Variants in CRTAC1 observed in about 807,000 individuals in gnomAD.
The protein encoded by CRTAC1 is cartilage acidic protein 1.
Under a neutral mutation model 67.8 loss-of-function variants are expected in CRTAC1, and 37 were observed. The observed-to-expected ratio is 0.55, with a 90% CI of 0.42 to 0.72. The LOEUF (loss-of-function observed/expected upper bound fraction) is 0.72, where lower values mean the gene tolerates loss of function less well. Among genes scored for constraint, CRTAC1 ranks in the 30% least tolerant of loss-of-function variants. The pLI is 0.00. For synonymous variants in CRTAC1, 348 were observed against 371.0 expected (o/e 0.94, Z 0.71); for missense variants, 780 against 931.6 (o/e 0.84, Z 2.12).
chr10:97,882,882 G>T, intron 12 of CRTAC1, 54 bp from the exon 13 acceptor site: 2 of 1,576,902 alleles, frequency 1.3e-6, no homozygotes, highest in Non-Finnish European at 8.7e-7. Context: ...TCCCATCCCA[G>T]GTTCCCTCCT....
At chr10:97,960,677 G>A (rs1405726771) in intron 2 of CRTAC1, among the ~76,000 whole-genome samples, 1 of 152,196 alleles carries the variant, frequency 6.6e-6, no homozygotes, top group East Asian at 1.9e-4. Flanking sequence ...CTTTCTTCCA[G>A]CTCTAGAATC....
intron 2 of CRTAC1, among the ~76,000 whole-genome samples, chr10:97,976,746 A>G (rs1310530884): frequency 1.3e-5 from 2 of 152,328 alleles, no homozygotes; most frequent in East Asian, 3.9e-4. Context: ...TCCAGAATTT[A>G]TCGCATTCTA....
intron 2 of CRTAC1, among the ~76,000 whole-genome samples, chr10:97,955,324 TTC>T (rs575743034): frequency 1.7e-3 from 263 of 152,344 alleles, no homozygotes; most frequent in Admixed American, 4.4e-3. Context: ...AGTCAAGTCG[TTC>T]CACTTGGATC....
chr10:98,008,896 G>A (rs1044929407), intron 2 of CRTAC1, among the ~76,000 whole-genome samples: 8 of 152,068 alleles, frequency 5.3e-5, no homozygotes, highest in African/African-American at 1.9e-4. Context: ...AGGAGGCAGG[G>A]CAACCATCCA....
chr10:97,885,164 G>C (rs975538779), intron 11 of CRTAC1, among the ~76,000 whole-genome samples: 29 of 152,176 alleles, frequency 1.9e-4, no homozygotes, highest in African/African-American at 6.5e-4. Flanking sequence ...GTCAGGGACA[G>C]CCTCTTAGGG....
At chr10:97,896,066 C>T in intron 9 of CRTAC1, 81 bp from the exon 10 acceptor site, 1 of 1,271,214 alleles carries the variant, frequency 7.9e-7, no homozygotes, top group South Asian at 1.2e-5. Context: ...AGTGCAGTAT[C>T]CACAGCCCTG....
chr10:97,875,284 G>A (rs914906945), intron 14 of CRTAC1, among the ~76,000 whole-genome samples: 15 of 152,234 alleles, frequency 9.9e-5, no homozygotes, highest in African/African-American at 3.4e-4. Context: ...GGATGGGTGT[G>A]AGTATTCATG....
intron 3 of CRTAC1, among the ~76,000 whole-genome samples, chr10:97,927,880 G>GCA (rs1319075141): frequency 6.6e-6 from 1 of 152,228 alleles, no homozygotes; most frequent in Non-Finnish European, 1.5e-5. Context: ...TAAACACCCA[G>GCA]CACTGGCCCC....
rs1489438610 is a variant in CRTAC1 at position 97,975,799 on chromosome 10, C to A, written c.224+35339G>T. On this transcript the variant is annotated intron_variant, in intron 2 of 14. Transcript: ENST00000370597. The surrounding 1 kb of genome is among the most constrained non-coding windows in gnomAD (Gnocchi z 4.8). The stretch of plus-strand genomic sequence containing the variant: ...GCCCTCTGTGCCAAGAGCCTCTCCA[C>A]CTGCCAGGGAAGCTACGCACACTCG... Among the ~76,000 whole-genome samples the A allele has an allele frequency of 6.6e-6, 1 of 152,240 alleles. No individual in the cohort carries two copies. Among genetic ancestry groups the A allele is most frequent in the East Asian group, 1.9e-4 (1 of 5,192 alleles).
chr10:97,995,555 C>A (rs1842548537), intron 2 of CRTAC1, among the ~76,000 whole-genome samples: 2 of 152,166 alleles, frequency 1.3e-5, no homozygotes, highest in Admixed American at 1.3e-4. Context: ...GACCCTACCA[C>A]TACAGAACAA....
chr10:97,873,150 T>A (rs1431181728), intron 14 of CRTAC1, among the ~76,000 whole-genome samples: 1 of 152,208 alleles, frequency 6.6e-6, no homozygotes, highest in Non-Finnish European at 1.5e-5. Context: ...ATGAAACAAC[T>A]TCTTAAGGCC....
chr10:97,868,890 C>G (rs180909302), intron 14 of CRTAC1: 18 of 151,468 alleles, frequency 1.2e-4, no homozygotes, highest in African/African-American at 3.4e-4. Context: ...TTAGCACTTC[C>G]TATGTGCCAG....
At position 97,895,439 on chromosome 10, in the gene CRTAC1, C is replaced by G. The variant is rs373819317; in HGVS notation, c.1318-26G>C. 4.5e-5 allele frequency: 70 copies of G among 1,560,618 alleles called. No homozygotes were observed. The highest frequency in any genetic ancestry group is 5.5e-5 in the Non-Finnish European group (64 of 1,154,582). On this transcript the variant is annotated intron_variant, in intron 10 of 14. Transcript: ENST00000370597. This position sits in a 1 kb window ranked among gnomAD's most constrained non-coding sequence, Gnocchi z 4.2. Reference sequence around the variant, plus strand: ...CTGCAGAGAGGGTGAGAGGCAGACACCCGGTGGGCATCAGCATGGTGGGTG... The same window carrying G: ...CTGCAGAGAGGGTGAGAGGCAGACAGCCGGTGGGCATCAGCATGGTGGGTG...
chr10:97,969,342 C>T (rs1441518009), intron 2 of CRTAC1, among the ~76,000 whole-genome samples: 4 of 152,136 alleles, frequency 2.6e-5, no homozygotes, highest in African/African-American at 9.7e-5. Context: ...CATCCCCTCC[C>T]AGCCCCTTGA....
chr10:97,985,760 GA>G, intron 2 of CRTAC1, among the ~76,000 whole-genome samples: 1 of 152,258 alleles, frequency 6.6e-6, no homozygotes, highest in East Asian at 1.9e-4. Context: ...CACACAGAGG[GA>G]AAACCACGTG....
intron 2 of CRTAC1, among the ~76,000 whole-genome samples, chr10:97,988,860 G>C (rs1287383933): frequency 6.6e-6 from 1 of 152,216 alleles, no homozygotes; most frequent in African/African-American, 2.4e-5. Context: ...AATTTGAGTA[G>C]GCCACAGGTG....
chr10:98,010,186 C>T (rs1043446332), intron 2 of CRTAC1, among the ~76,000 whole-genome samples: 30 of 151,982 alleles, frequency 2.0e-4, no homozygotes, highest in Admixed American at 2.6e-4. Context: ...ATTACATGCG[C>T]GCGCCACCAT....
chr10:97,907,392 G>A (rs2050627762), intron 6 of CRTAC1, among the ~76,000 whole-genome samples: 1 of 151,768 alleles, frequency 6.6e-6, no homozygotes, highest in Non-Finnish European at 1.5e-5. Context: ...GCCATGGCAA[G>A]TGCAAAGGCC....
chr10:97,895,269 C>G lies in CRTAC1; in HGVS notation c.1462G>C (p.Glu488Gln). The stretch of plus-strand genomic sequence containing the variant: ...CCCAGGCCAAAGTGTGCCACGGGCT[C>G]CATCTCACACAGGTAGCCTGAGCCC... ...DGGSGYLCEM[E>Q]PVAHFGLGKD... The change falls in exon 11 of 15, where the codon GAG becomes CAG. Residue 488 changes from glutamate (E) to glutamine (Q), a missense_variant. Transcript: ENST00000370597. The surrounding 1 kb of genome is among the most constrained non-coding windows in gnomAD (Gnocchi z 4.2). The G allele has an allele frequency of 6.2e-7, 1 of 1,612,608 alleles. No individual in the cohort carries two copies. Among genetic ancestry groups the G allele is most frequent in the South Asian group, 1.1e-5 (1 of 91,064 alleles).
Sources: gnomAD v4.1 joint callset for allele counts (sites outside exome capture counted in the v4.1 genomes callset) on GRCh38, gnomAD v4.1.1 for gene constraint, Gnocchi (gnomAD v3.1) non-coding constraint, MANE v1.5 for transcripts, NCBI Gene and HGNC (gene_info 2026-07-23, HGNC 2026-07-21) for gene names.